PRKG1: variants seen among roughly 807,000 people sequenced by gnomAD.
PRKG1 encodes the protein cGMP-dependent protein kinase 1.
A neutral mutation model predicts 88.1 loss-of-function variants in PRKG1; 35 were observed. That is an observed-to-expected ratio of 0.40 (90% CI 0.30 to 0.53). The LOEUF is 0.53. Among genes scored for constraint, PRKG1 ranks in the 20% least tolerant of loss-of-function variants. The pLI, the probability that PRKG1 is intolerant of heterozygous loss-of-function variation, is 0.59. For synonymous variants in PRKG1, 303 were observed against 292.5 expected (o/e 1.04, Z -0.37); for missense variants, 540 against 839.8 (o/e 0.64, Z 4.41).
chr10:51,092,182 A>C (rs1181656427), intron 1 of PRKG1, among the ~76,000 whole-genome samples: 1 of 152,146 alleles, frequency 6.6e-6, no homozygotes, highest in South Asian at 2.1e-4. Context: ...AGGCAAAGGG[A>C]GAGAAGAGAT....
intron 3 of PRKG1, among the ~76,000 whole-genome samples, chr10:51,612,707 A>G (rs531466599): frequency 2.6e-5 from 4 of 151,992 alleles, no homozygotes; most frequent in Non-Finnish European, 4.4e-5. Flanking sequence ...GTTTCAGTTT[A>G]AAAGGAGAGT....
chr10:52,018,771 C>G (rs959427807), intron 5 of PRKG1, among the ~76,000 whole-genome samples: 4 of 152,196 alleles, frequency 2.6e-5, no homozygotes, highest in Middle Eastern at 3.4e-3. Context: ...ACATTGAATT[C>G]AACTCCATTG....
intron 3 of PRKG1, among the ~76,000 whole-genome samples, chr10:51,631,074 C>G (rs769487754): frequency 6.6e-6 from 1 of 152,168 alleles, no homozygotes; most frequent in Non-Finnish European, 1.5e-5. Flanking sequence ...ACATATTATA[C>G]AAAAAGGGCT....
chr10:51,675,182 A>T lies in PRKG1; in HGVS notation c.593-129403A>T, dbSNP rs191324587. ...AGTCTTACTATTAGATAGCATATGA[A>T]ATATAACACTGACCCAGAAATCATA... On this transcript the variant is annotated intron_variant, in intron 3 of 17. Transcript: ENST00000373980. 9.6e-4 allele frequency among the ~76,000 whole-genome samples: 146 copies of T among 152,340 alleles called. 1 individual carries two copies. The highest frequency in any genetic ancestry group is 3.5e-3 in the African/African-American group (146 of 41,588).
intron 1 of PRKG1, among the ~76,000 whole-genome samples, chr10:51,126,806 C>G (rs567075271): frequency 2.6e-5 from 4 of 152,062 alleles, no homozygotes; most frequent in African/African-American, 9.7e-5. Context: ...AGAAATAACA[C>G]TACACGTCTA....
intron 4 of PRKG1, among the ~76,000 whole-genome samples, chr10:51,815,821 T>C (rs1469869032): frequency 6.6e-6 from 1 of 152,188 alleles, no homozygotes; most frequent in East Asian, 1.9e-4. Flanking sequence ...CTGAGAATCC[T>C]GATTTTCTGA....
At chr10:51,014,700 A>G (rs779529763) in intron 1 of PRKG1, among the ~76,000 whole-genome samples, 1 of 152,210 alleles carries the variant, frequency 6.6e-6, no homozygotes, top group African/African-American at 2.4e-5. Context: ...AAAGTGTCAA[A>G]TTGTACCCTA....
At chr10:51,831,997 TATA>T (rs1179011725) in intron 4 of PRKG1, among the ~76,000 whole-genome samples, 3 of 152,172 alleles carry the variant, frequency 2.0e-5, no homozygotes, top group East Asian at 3.8e-4. Flanking sequence ...CTAAATTTGA[TATA>T]ATAAGTGTAC....
chr10:51,876,043 T>C (rs1238915718), intron 4 of PRKG1, among the ~76,000 whole-genome samples: 1 of 152,154 alleles, frequency 6.6e-6, no homozygotes, highest in Non-Finnish European at 1.5e-5. Context: ...TTTGTAAACT[T>C]TTCTGTTTTC....
At chr10:52,054,819 C>A (rs1846072235) in intron 6 of PRKG1, among the ~76,000 whole-genome samples, 1 of 152,032 alleles carries the variant, frequency 6.6e-6, no homozygotes, top group African/African-American at 2.4e-5. Flanking sequence ...ATAGAAAGAT[C>A]TCCATAATTA....
chr10:51,028,042 G>C (rs2132742656), intron 1 of PRKG1, among the ~76,000 whole-genome samples: 1 of 152,214 alleles, frequency 6.6e-6, no homozygotes, highest in Middle Eastern at 3.4e-3. Flanking sequence ...CAAAGTGAAA[G>C]ATCTTTTTTC....
chr10:51,838,239 A>G (rs1316490829), intron 4 of PRKG1, among the ~76,000 whole-genome samples: 2 of 152,210 alleles, frequency 1.3e-5, no homozygotes, highest in African/African-American at 2.4e-5. Flanking sequence ...GTGCTCATGT[A>G]TAGTGATCTA....
At chr10:51,410,943 C>A (rs987693379) in intron 2 of PRKG1, among the ~76,000 whole-genome samples, 1 of 151,650 alleles carries the variant, frequency 6.6e-6, no homozygotes, top group Non-Finnish European at 1.5e-5. Context: ...CGGATGTACA[C>A]AAATTTTCTT....
At chr10:50,993,629 C>T (rs1180592212) in intron 1 of PRKG1, among the ~76,000 whole-genome samples, 3 of 152,198 alleles carry the variant, frequency 2.0e-5, no homozygotes, top group Non-Finnish European at 4.4e-5. Flanking sequence ...AGGGCTTTAT[C>T]GCATTTTTGA....
chr10:51,564,072 GA>G (rs1337211505), intron 3 of PRKG1, among the ~76,000 whole-genome samples: 1 of 151,932 alleles, frequency 6.6e-6, no homozygotes, highest in Non-Finnish European at 1.5e-5. Context: ...TTTTTCTTAG[GA>G]AAAAACTATT....
intron 3 of PRKG1, among the ~76,000 whole-genome samples, chr10:51,765,515 T>G (rs895014710): frequency 1.3e-5 from 2 of 152,216 alleles, no homozygotes; most frequent in Non-Finnish European, 2.9e-5. Context: ...CTCTCTGCAT[T>G]AACTTAATTA....
At chr10:51,504,557 T>C (rs1352227740) in intron 3 of PRKG1, among the ~76,000 whole-genome samples, 1 of 152,188 alleles carries the variant, frequency 6.6e-6, no homozygotes, top group African/African-American at 2.4e-5. Flanking sequence ...TAAATTACCT[T>C]GGGCAGCATG....
rs544925216 is a variant in PRKG1 at position 51,576,156 on chromosome 10, A to T, written c.592+108320A>T. On this transcript the variant is annotated intron_variant, in intron 3 of 17. Coordinates refer to ENST00000373980, the MANE Select transcript of PRKG1 (RefSeq NM_006258.4). ...GCCCATGGTCACGCACTTTGTAGTG[A>T]AGCTGGAATTTGAAGTTAGGTACCC... Among the ~76,000 whole-genome samples, 38 of 152,034 alleles carry T rather than the reference A, an allele frequency of 2.5e-4. 1 individual carries two copies. The highest frequency in any genetic ancestry group is 8.7e-4 in the African/African-American group (36 of 41,548).
At chr10:52,021,637 T>C (rs1903953) in intron 5 of PRKG1, among the ~76,000 whole-genome samples, 52,647 of 152,012 alleles carry the variant, frequency 0.35, 9,745 homozygotes, top group South Asian at 0.44. Context: ...GGCAGGTGGA[T>C]GGATGCATGG....
Sources: allele counts gnomAD v4.1 joint callset (sites outside exome capture counted in the v4.1 genomes callset), GRCh38; gene constraint gnomAD v4.1.1; transcripts MANE v1.5; gene names NCBI Gene and HGNC (gene_info 2026-07-23, HGNC 2026-07-21).